PPIH: variants seen among roughly 807,000 people sequenced by gnomAD.
PPIH encodes peptidylprolyl isomerase H, also known as peptidyl-prolyl cis-trans isomerase H.
PPIH carries 16 observed loss-of-function variants against 27.6 expected under a neutral mutation model. The ratio of observed to expected loss-of-function variants is 0.58; its 90% confidence interval spans 0.39 to 0.88. The LOEUF is 0.88. Among genes scored for constraint, PPIH ranks in the 40% least tolerant of loss-of-function variants. The pLI is 0.00. For synonymous variants in PPIH, 63 were observed against 76.1 expected, an observed-to-expected ratio of 0.83 and a Z score of 0.90; for missense variants, 155 against 224.1, an observed-to-expected ratio of 0.69 and a Z score of 1.97.
chr1:42,679,484 C>A (rs565050111), downstream of PPIH, among the ~76,000 whole-genome samples: 2 of 152,226 alleles, frequency 1.3e-5, no homozygotes, highest in Non-Finnish European at 2.9e-5. Context: ...TGCCTGGCTG[C>A]AAACTAGTTT....
chr1:42,658,468 C>T lies in PPIH; in HGVS notation c.22C>T (p.Pro8Ser), dbSNP rs1557507262. Residue 8 changes from proline to serine, a missense_variant, in exon 1 of 10, where the codon CCT becomes TCT. Coordinates refer to ENST00000304979, the MANE Select transcript of PPIH (RefSeq NM_006347.4). Reference sequence around the variant, plus strand: ...AGCCATGGCGGTGGCAAATTCAAGTCCTGTTAACCCCGTGGTGTTCTTTGA... The same window carrying T: ...AGCCATGGCGGTGGCAAATTCAAGTTCTGTTAACCCCGTGGTGTTCTTTGA... MAVANSS[P>S]VNPVVFFDVS... The T allele has an allele frequency of 2.5e-6, 4 of 1,614,138 alleles. No individual in the cohort carries two copies. Among genetic ancestry groups the T allele is most frequent in the East Asian group, 2.2e-5 (1 of 44,882 alleles).
intron 7 of PPIH, 121 bp from the exon 8 acceptor site, chr1:42,666,426 C>T (rs536778432): frequency 1.4e-5 from 14 of 979,434 alleles, no homozygotes; most frequent in African/African-American, 3.2e-5. Flanking sequence ...TCACCTCTAC[C>T]GCATCTTAAT....
At chr1:42,672,795 C>CTATATGGATCACAGA (rs1649708072) in intron 9 of PPIH, among the ~76,000 whole-genome samples, 1 of 152,006 alleles carries the variant, frequency 6.6e-6, no homozygotes, top group Admixed American at 6.6e-5. Context: ...CACAGGCATG[C>CTATATGGATCACAGA]TCCACCACGT....
At chr1:42,666,140 A>C (rs1649324410) in intron 7 of PPIH, 73 bp downstream of exon 7, 18 of 1,411,946 alleles carry the variant, frequency 1.3e-5, no homozygotes, top group Non-Finnish European at 1.7e-5. Flanking sequence ...GTTAGTTCTC[A>C]AACTCTTACC....
intron 9 of PPIH, among the ~76,000 whole-genome samples, chr1:42,668,165 ATGTTT>A (rs1367728622): frequency 6.6e-6 from 1 of 152,106 alleles, no homozygotes; most frequent in Non-Finnish European, 1.5e-5. Flanking sequence ...AGGGGTAGTG[ATGTTT>A]TGTTTTTCTT....
At chr1:42,670,761 AC>A (rs1016587682) in intron 9 of PPIH, among the ~76,000 whole-genome samples, 20 of 152,194 alleles carry the variant, frequency 1.3e-4, no homozygotes, top group African/African-American at 4.8e-4. Context: ...GGCTGGTGCA[AC>A]TGAGGGACTA....
intron 9 of PPIH, among the ~76,000 whole-genome samples, chr1:42,676,027 G>A (rs1649864334): frequency 6.6e-6 from 1 of 152,222 alleles, no homozygotes; most frequent in Admixed American, 6.5e-5. Context: ...AAATGAGATA[G>A]TATGCTTGAC....
chr1:42,665,622 C>T (rs1321780032), intron 6 of PPIH, among the ~76,000 whole-genome samples: 1 of 151,772 alleles, frequency 6.6e-6, no homozygotes, highest in Non-Finnish European at 1.5e-5. Context: ...AAGAGGATTG[C>T]TTGAGGTTGA....
chr1:42,669,146 G>A (rs6696649), intron 9 of PPIH, among the ~76,000 whole-genome samples: 44,622 of 149,540 alleles, frequency 0.3, 6,835 homozygotes, highest in Non-Finnish European at 0.32. Context: ...GGAGTTTGAG[G>A]CTGCAGTGAG....
intron 5 of PPIH, among the ~76,000 whole-genome samples, chr1:42,662,478 G>C (rs1649091871): frequency 6.6e-6 from 1 of 151,926 alleles, no homozygotes; most frequent in African/African-American, 2.4e-5. Context: ...GAGCCCAGGA[G>C]GTCAATTCAA....
chr1:42,658,662 G>C, intron 1 of PPIH, 150 bp downstream of exon 1: 1 of 1,078,762 alleles, frequency 9.3e-7, no homozygotes, highest in Non-Finnish European at 1.4e-6. Context: ...GGGGGGAAAG[G>C]AGGAGGAGGA....
At chr1:42,658,749 G>A in intron 1 of PPIH, 95 bp from the exon 2 acceptor site, 3 of 1,405,612 alleles carry the variant, frequency 2.1e-6, no homozygotes, top group Non-Finnish European at 1.0e-6. Flanking sequence ...GAGATACCGA[G>A]CGGCAGGGTG....
chr1:42,663,053 T>C (rs1352574449), intron 5 of PPIH, among the ~76,000 whole-genome samples: 2 of 152,222 alleles, frequency 1.3e-5, no homozygotes, highest in African/African-American at 2.4e-5. Context: ...ATTTTGTAAT[T>C]TTCCCTATTG....
chr1:42,676,343 C>T (rs1649880372), intron 9 of PPIH, among the ~76,000 whole-genome samples: 1 of 152,104 alleles, frequency 6.6e-6, no homozygotes, highest in Non-Finnish European at 1.5e-5. Context: ...TGGCAGGCGC[C>T]TGTATTCCCA....
chr1:42,658,721 C>G (rs1557507678), intron 1 of PPIH, 123 bp from the exon 2 acceptor site: 16 of 1,247,312 alleles, frequency 1.3e-5, no homozygotes, highest in Non-Finnish European at 1.6e-5. Flanking sequence ...GGCGGTTAGA[C>G]TAGGGAGGCG....
chr1:42,660,924 T>C lies in PPIH; in HGVS notation c.243+20T>C. ...GTTAATGTAAGTACTATTCCTTTCC[T>C]ATCAAAGACCCGTAGTTTTAGTTTT... On this transcript the variant is annotated intron_variant, in intron 5 of 9. Coordinates refer to ENST00000304979, the MANE Select transcript of PPIH (RefSeq NM_006347.4). The C allele has an allele frequency of 1.3e-6, 2 of 1,598,832 alleles. No homozygotes were observed. Among genetic ancestry groups the C allele is most frequent in the Non-Finnish European group, 8.6e-7 (1 of 1,166,790 alleles).
At chr1:42,663,601 T>C (rs927194814) in intron 5 of PPIH, among the ~76,000 whole-genome samples, 17 of 152,124 alleles carry the variant, frequency 1.1e-4, no homozygotes, top group Non-Finnish European at 2.1e-4. Flanking sequence ...GGTCTCACCA[T>C]GTTGGCCAGG....
chr1:42,665,012 T>A, intron 6 of PPIH, 57 bp downstream of exon 6: 1 of 1,417,188 alleles, frequency 7.1e-7, no homozygotes, highest in Non-Finnish European at 1.0e-6. Context: ...TGGGCCCCTC[T>A]TGAGGCCCAG....
At chr1:42,660,425 T>TTTTTG (rs1335454022) in intron 4 of PPIH, among the ~76,000 whole-genome samples, 1 of 152,132 alleles carries the variant, frequency 6.6e-6, no homozygotes, top group African/African-American at 2.4e-5. Context: ...CTTCAGGTTT[T>TTTTTG]TTTTGTTTTG....
Sources: gnomAD v4.1 joint callset for allele counts (sites outside exome capture counted in the v4.1 genomes callset) on GRCh38, gnomAD v4.1.1 for gene constraint, MANE v1.5 for transcripts, NCBI Gene and HGNC (gene_info 2026-07-23, HGNC 2026-07-21) for gene names.